Variants in CDC42SE2 observed in about 807,000 individuals in gnomAD.
CDC42SE2 encodes the protein CDC42 small effector 2.
In CDC42SE2, 3 loss-of-function variants were observed where a neutral mutation model predicts 11.5. The ratio of observed to expected loss-of-function variants is 0.26; its 90% confidence interval spans 0.12 to 0.67. CDC42SE2 has a LOEUF of 0.67. Ranked by LOEUF, CDC42SE2 falls within the 30% of genes least tolerant of loss-of-function variation. The pLI is 0.80. For missense variants in CDC42SE2, 82 were observed against 106.8 expected, an observed-to-expected ratio of 0.77 and a Z score of 1.02; for synonymous variants, 33 against 34.8, an observed-to-expected ratio of 0.95 and a Z score of 0.18.
At chr5:131,365,208 TGAGACTGG>T (rs1274893574) in intron 3 of CDC42SE2, among the ~76,000 whole-genome samples, 1 of 151,918 alleles carries the variant, frequency 6.6e-6, no homozygotes, top group Non-Finnish European at 1.5e-5. Context: ...GAGAATTGTT[TGAGACTGG>T]GAGGCGAGGG....
intron 2 of CDC42SE2, among the ~76,000 whole-genome samples, chr5:131,347,671 C>A (rs190348491): frequency 6.6e-6 from 1 of 152,278 alleles, no homozygotes; most frequent in East Asian, 1.9e-4. Context: ...CATCCTGATA[C>A]TAAAGCCTGG....
chr5:131,229,765 C>A, the CDC42SE2 span, among the ~76,000 whole-genome samples: 2 of 152,114 alleles, frequency 1.3e-5, no homozygotes, highest in African/African-American at 4.8e-5. Context: ...GAAACCCCAT[C>A]TCTATTAAGA....
intron 2 of CDC42SE2, among the ~76,000 whole-genome samples, chr5:131,349,135 C>T (rs947522681): frequency 2.6e-5 from 4 of 151,960 alleles, no homozygotes; most frequent in Non-Finnish European, 4.4e-5. Flanking sequence ...CCAAAATTGA[C>T]AAATGGGATC....
At chr5:131,375,870 A>T (rs1750135977) in intron 3 of CDC42SE2, among the ~76,000 whole-genome samples, 1 of 152,108 alleles carries the variant, frequency 6.6e-6, no homozygotes, top group Admixed American at 6.5e-5. Context: ...CAGTTTTATC[A>T]ACTCAGATTA....
intron 1 of CDC42SE2, among the ~76,000 whole-genome samples, chr5:131,268,955 T>A (rs549100744): frequency 9.2e-5 from 14 of 152,104 alleles, no homozygotes; most frequent in Admixed American, 7.9e-4. Context: ...TTCACCTTGT[T>A]GGCCAGGATG....
chr5:131,346,972 C>G (rs1001004411), intron 2 of CDC42SE2, among the ~76,000 whole-genome samples: 1 of 148,824 alleles, frequency 6.7e-6, no homozygotes, highest in Non-Finnish European at 1.5e-5. Context: ...AAAGACACAA[C>G]AAATCTCCGG....
At chr5:131,297,813 A>G (rs928422233) in intron 1 of CDC42SE2, among the ~76,000 whole-genome samples, 14 of 151,968 alleles carry the variant, frequency 9.2e-5, no homozygotes, top group Non-Finnish European at 1.9e-4. Context: ...ATGTCATTTT[A>G]CCCTTTGAGA....
chr5:131,267,442 A>G lies in CDC42SE2; in HGVS notation c.-455+3276A>G, dbSNP rs1406598557. ...GAGTAGTTCATAATGTTTTGAGGCT[A>G]AATAAATTTCAGGATTATCTTGTGT... On this transcript the variant is annotated intron_variant, in intron 1 of 4. Transcript: ENST00000505065. Among the ~76,000 whole-genome samples, 3 of 152,288 alleles carry G rather than the reference A, an allele frequency of 2.0e-5. No individual in the cohort carries two copies. In the East Asian group the frequency reaches 5.8e-4, roughly 29 times the overall value.
intron 2 of CDC42SE2, among the ~76,000 whole-genome samples, chr5:131,350,260 C>T (rs1758973034): frequency 6.6e-6 from 1 of 151,662 alleles, no homozygotes; most frequent in Non-Finnish European, 1.5e-5. Flanking sequence ...CCTACTCGCT[C>T]ATGTATACAA....
the CDC42SE2 span, among the ~76,000 whole-genome samples, chr5:131,231,758 C>G: frequency 6.6e-6 from 1 of 152,054 alleles, no homozygotes; most frequent in Non-Finnish European, 1.5e-5. Flanking sequence ...CACCCTTTCT[C>G]TATTTTAGAA....
chr5:131,287,405 A>T (rs1452833246), intron 1 of CDC42SE2, among the ~76,000 whole-genome samples: 1 of 151,958 alleles, frequency 6.6e-6, no homozygotes, highest in Non-Finnish European at 1.5e-5. Context: ...TTCTATTTTC[A>T]TAATGTGTCA....
chr5:131,389,682 C>T lies in CDC42SE2; in HGVS notation c.157-1311C>T, dbSNP rs1474207177. Among the ~76,000 whole-genome samples, 5 of 152,170 alleles carry T rather than the reference C, an allele frequency of 3.3e-5. No homozygotes were observed. In the East Asian group the frequency reaches 5.8e-4, roughly 18 times the overall value. On this transcript the variant is annotated intron_variant, in intron 4 of 4. Coordinates refer to ENST00000505065, the MANE Select transcript of CDC42SE2 (RefSeq NM_001375635.1). Reference sequence around the variant, plus strand: ...GTGGAAAGCACCTCACCCTTCATGCCTTATGTTACAGTAGGTGCTCAGTAA... The same window carrying T: ...GTGGAAAGCACCTCACCCTTCATGCTTTATGTTACAGTAGGTGCTCAGTAA...
At chr5:131,365,084 G>T (rs1421686714) in intron 3 of CDC42SE2, among the ~76,000 whole-genome samples, 1 of 152,188 alleles carries the variant, frequency 6.6e-6, no homozygotes, top group African/African-American at 2.4e-5. Context: ...GAGGTCAGGA[G>T]TTCGAGACCA....
At chr5:131,308,951 T>G (rs1181642609) in intron 1 of CDC42SE2, among the ~76,000 whole-genome samples, 47 of 150,660 alleles carry the variant, frequency 3.1e-4, no homozygotes, top group African/African-American at 9.8e-4. Flanking sequence ...TTCTCCTGCC[T>G]AATTGCCCTG....
At chr5:131,383,886 C>T (rs1750396378) in intron 3 of CDC42SE2, among the ~76,000 whole-genome samples, 1 of 152,120 alleles carries the variant, frequency 6.6e-6, no homozygotes, top group Non-Finnish European at 1.5e-5. Context: ...AGCAGAGTTA[C>T]TTTTCAATGC....
At chr5:131,313,336 A>T (rs1012867180) in intron 1 of CDC42SE2, among the ~76,000 whole-genome samples, 2 of 152,026 alleles carry the variant, frequency 1.3e-5, no homozygotes, top group African/African-American at 2.4e-5. Context: ...CTTATCTTTC[A>T]TTCTGTTAAC....
At chr5:131,333,510 A>G (rs1041928452) in intron 2 of CDC42SE2, among the ~76,000 whole-genome samples, 3 of 152,192 alleles carry the variant, frequency 2.0e-5, no homozygotes, top group Admixed American at 1.3e-4. Context: ...GAAGAAAGGC[A>G]TTGGTAGATT....
intron 1 of CDC42SE2, among the ~76,000 whole-genome samples, chr5:131,312,699 T>G (rs1757950038): frequency 6.6e-6 from 1 of 152,156 alleles, no homozygotes; most frequent in Non-Finnish European, 1.5e-5. Flanking sequence ...AGTGACCCGA[T>G]TTTCCAGGTG....
intron 1 of CDC42SE2, among the ~76,000 whole-genome samples, chr5:131,252,234 T>C (rs1756646319): frequency 6.6e-6 from 1 of 152,246 alleles, no homozygotes; most frequent in African/African-American, 2.4e-5. Context: ...AAAGGTTTTG[T>C]ATGATACATT....
Sources: allele counts gnomAD v4.1 joint callset (sites outside exome capture counted in the v4.1 genomes callset), GRCh38; gene constraint gnomAD v4.1.1; transcripts MANE v1.5; gene names NCBI Gene and HGNC (gene_info 2026-07-23, HGNC 2026-07-21).